Variants in CALN1 observed in about 807,000 individuals in gnomAD.
CALN1 encodes the protein calcium-binding protein 8.
CALN1 carries 17 observed loss-of-function variants against 30.6 expected under a neutral mutation model. The ratio of observed to expected loss-of-function variants is 0.56; its 90% confidence interval spans 0.38 to 0.83. The LOEUF (loss-of-function observed/expected upper bound fraction) is 0.83. CALN1 is among the 40% of genes least tolerant of loss of function. The probability of loss-of-function intolerance (pLI) is 0.00; values close to 1 mark genes in which losing one functional copy is unlikely to be tolerated. For missense variants in CALN1, 291 were observed against 354.9 expected (o/e 0.82, Z 1.45); for synonymous variants, 156 against 131.4 (o/e 1.19, Z -1.28).
intron 2 of CALN1, among the ~76,000 whole-genome samples, chr7:72,393,906 T>G (rs989348911): frequency 1.3e-5 from 2 of 152,270 alleles, no homozygotes; most frequent in African/African-American, 4.8e-5. Context: ...TGGGCCACCG[T>G]GCCTGGCCTC....
At chr7:71,929,509 T>C (rs7787655) in intron 5 of CALN1, among the ~76,000 whole-genome samples, 33,513 of 152,204 alleles carry the variant, frequency 0.22, 3,840 homozygotes, top group Admixed American at 0.31. Flanking sequence ...GGTGTATATG[T>C]ACCACATTTT....
At chr7:72,013,599 T>C (rs973431498) in intron 5 of CALN1, among the ~76,000 whole-genome samples, 2 of 152,118 alleles carry the variant, frequency 1.3e-5, no homozygotes, top group Admixed American at 1.3e-4. Flanking sequence ...GAATAGACCG[T>C]ATAGCCTAAT....
chr7:72,213,353 C>A (rs1319521034), intron 3 of CALN1, among the ~76,000 whole-genome samples: 2 of 152,130 alleles, frequency 1.3e-5, no homozygotes, highest in African/African-American at 4.8e-5. Flanking sequence ...GTTCCCTAAA[C>A]AAAGAAGCCT....
At chr7:71,957,543 C>G (rs529507223) in intron 5 of CALN1, among the ~76,000 whole-genome samples, 7 of 152,306 alleles carry the variant, frequency 4.6e-5, no homozygotes, top group African/African-American at 1.7e-4. Flanking sequence ...GTACTGATCA[C>G]TGCAAACCTA....
chr7:72,106,351 C>A lies in CALN1; in HGVS notation c.245-57G>T, dbSNP rs530802765. 98 of 1,602,194 alleles carry A rather than the reference C, an allele frequency of 6.1e-5. 3 individuals carry two copies. In the South Asian group the frequency reaches 8.2e-4, roughly 13 times the overall value. ...TCACATGGCTGGCTTTATTGCACTG[C>A]AGTTATTGGTGATTGCCTACTGAGA... On this transcript the variant is annotated intron_variant, in intron 3 of 6. Coordinates refer to ENST00000395275, the MANE Select transcript of CALN1 (RefSeq NM_031468.4).
At chr7:71,789,925 G>C (rs181811740) in intron 6 of CALN1, among the ~76,000 whole-genome samples, 179 of 151,102 alleles carry the variant, frequency 1.2e-3, no homozygotes, top group African/African-American at 3.7e-3. Context: ...GAAAGACCCT[G>C]TCCCTACAAA....
chr7:72,458,913 T>C, the CALN1 span, among the ~76,000 whole-genome samples: 1 of 146,520 alleles, frequency 6.8e-6, no homozygotes, highest in Non-Finnish European at 1.5e-5. Flanking sequence ...GTTTTTTGTT[T>C]GTTTGTTTTT....
intron 5 of CALN1, among the ~76,000 whole-genome samples, chr7:71,956,768 C>T (rs1465032233): frequency 6.6e-6 from 1 of 152,120 alleles, no homozygotes; most frequent in East Asian, 1.9e-4. Context: ...ACAATCTCAG[C>T]TCACTGCAAT....
At position 72,127,452 on chromosome 7, in the gene CALN1, G is replaced by A. The variant is rs12537181; in HGVS notation, c.245-21158C>T. Among the ~76,000 whole-genome samples, 1,110 of 152,224 alleles carry A rather than the reference G, an allele frequency of 7.3e-3. 30 individuals are homozygous for A. Among genetic ancestry groups the A allele is most frequent in the Admixed American group, 0.053 (816 of 15,280 alleles). On this transcript the variant is annotated intron_variant, in intron 3 of 6. Transcript: ENST00000395275. ...GCAGGTTACAGAGCAGAGGAGTCAC[G>A]GGATCTGACTTGTGTATTAAAAAGA... is the stretch of plus-strand genomic sequence containing the variant.
At chr7:72,487,684 AG>A in the CALN1 span, among the ~76,000 whole-genome samples, 1 of 121,934 alleles carries the variant, frequency 8.2e-6, no homozygotes. Context: ...AAAGAAAGAA[AG>A]GAAAGAAAGA....
chr7:71,830,350 CT>C (rs372015868), intron 5 of CALN1, among the ~76,000 whole-genome samples: 30 of 144,338 alleles, frequency 2.1e-4, no homozygotes, highest in African/African-American at 7.0e-4. Context: ...GCCATCAGTT[CT>C]TTTTTTCTTT....
At position 71,784,578 on chromosome 7, in the gene CALN1, T is replaced by C. The variant is rs1487027378; in HGVS notation, c.*3197A>G. ...TCTTTGGGGATCAAGGGGGTCAGGG[T>C]CCATTTCCCCTTCTCTCCCAAGGAA... On this transcript the variant is annotated 3_prime_UTR_variant, in exon 7 of 7. Coordinates refer to ENST00000395275, the MANE Select transcript of CALN1 (RefSeq NM_031468.4). 1.6e-5 allele frequency: 6 copies of C among 371,302 alleles called. No individual in the cohort carries two copies. The highest frequency in any genetic ancestry group is 2.1e-5 in the African/African-American group (1 of 47,978). 23.0% of individuals were successfully genotyped at this position (371,302 alleles called of 1,614,324 possible).
At chr7:72,465,293 T>C in the CALN1 span, among the ~76,000 whole-genome samples, 1 of 148,422 alleles carries the variant, frequency 6.7e-6, no homozygotes, top group Admixed American at 6.7e-5. Context: ...GCACCTCCCA[T>C]ACATATTTAT....
intron 5 of CALN1, among the ~76,000 whole-genome samples, chr7:72,017,097 G>A (rs536381518): frequency 6.7e-6 from 1 of 149,586 alleles, no homozygotes; most frequent in African/African-American, 2.5e-5. Context: ...CCGGGAGATG[G>A]AGGCTGCAGT....
At chr7:72,164,261 T>C (rs888492120) in intron 3 of CALN1, among the ~76,000 whole-genome samples, 6 of 150,544 alleles carry the variant, frequency 4.0e-5, no homozygotes, top group African/African-American at 9.8e-5. Context: ...CTAGCCACTC[T>C]GGAGGCTGAA....
At chr7:71,793,444 G>T (rs959627975) in intron 6 of CALN1, among the ~76,000 whole-genome samples, 1 of 152,308 alleles carries the variant, frequency 6.6e-6, no homozygotes, top group African/African-American at 2.4e-5. Flanking sequence ...ACATCATCAC[G>T]AATAGTGTGG....
At chr7:71,966,451 C>T (rs995724060) in intron 5 of CALN1, among the ~76,000 whole-genome samples, 4 of 152,212 alleles carry the variant, frequency 2.6e-5, no homozygotes, top group African/African-American at 4.8e-5. Context: ...TAGCATCATC[C>T]TTCTGGTACT....
chr7:72,450,945 C>T (rs76442564), upstream of CALN1, among the ~76,000 whole-genome samples: 998 of 152,136 alleles, frequency 6.6e-3, 9 homozygotes, highest in African/African-American at 0.023. Context: ...TTCTCCAGTC[C>T]CTTAGAGTTC....
At chr7:72,337,315 G>A in intron 2 of CALN1, 5 of 982,236 alleles carry the variant, frequency 5.1e-6, no homozygotes, top group Non-Finnish European at 6.0e-6. Context: ...CTCCTCCGAG[G>A]GTCGGGGAGC....
Sources: gnomAD v4.1 joint callset for allele counts (sites outside exome capture counted in the v4.1 genomes callset) on GRCh38, gnomAD v4.1.1 for gene constraint, MANE v1.5 for transcripts, NCBI Gene and HGNC (gene_info 2026-07-23, HGNC 2026-07-21) for gene names.